ILRUN: variants seen among roughly 807,000 people sequenced by gnomAD.
The protein encoded by ILRUN is inflammation and lipid regulator with UBA-like and NBR1-like domains, also known as protein ILRUN.
A neutral mutation model predicts 33.8 loss-of-function variants in ILRUN; 3 were observed. The ratio of observed to expected loss-of-function variants is 0.09; its 90% CI spans 0.04 to 0.23. ILRUN has a LOEUF of 0.23. Among genes scored for constraint, ILRUN ranks in the 10% least tolerant of loss-of-function variants. ILRUN has a pLI of 1.00. For missense variants in ILRUN, 210 were observed against 375.1 expected (o/e 0.56, Z 3.64); for synonymous variants, 124 against 138.9 (o/e 0.89, Z 0.75).
At chr6:34,690,193 G>A (rs1379098714) in intron 1 of ILRUN, among the ~76,000 whole-genome samples, 1 of 152,180 alleles carries the variant, frequency 6.6e-6, no homozygotes, top group Non-Finnish European at 1.5e-5. Context: ...GGGCATGGTG[G>A]CTCACACCTG....
chr6:34,694,885 TAAAAATACAAA>T (rs1235638102), intron 1 of ILRUN, among the ~76,000 whole-genome samples: 1 of 151,738 alleles, frequency 6.6e-6, no homozygotes, highest in African/African-American at 2.4e-5. Context: ...CCACCTCTAC[TAAAAATACAAA>T]AAAAATTAGC....
At chr6:34,619,928 T>C (rs1447894376) in intron 3 of ILRUN, among the ~76,000 whole-genome samples, 1 of 143,358 alleles carries the variant, frequency 7.0e-6, no homozygotes, top group Non-Finnish European at 1.5e-5. Context: ...GAGGTTGCAG[T>C]GAGCCAAGAT....
At chr6:34,632,394 T>C (rs1762266462) in intron 3 of ILRUN, among the ~76,000 whole-genome samples, 1 of 151,900 alleles carries the variant, frequency 6.6e-6, no homozygotes, top group East Asian at 1.9e-4. Flanking sequence ...TGAGCCAAGA[T>C]CACACCACTG....
intron 3 of ILRUN, among the ~76,000 whole-genome samples, chr6:34,637,852 C>CTGT (rs1762395061): frequency 2.4e-5 from 3 of 127,278 alleles, no homozygotes; most frequent in East Asian, 2.7e-4. Flanking sequence ...GTTGCTGCTG[C>CTGT]TGCTGCTGCT....
intron 3 of ILRUN, among the ~76,000 whole-genome samples, chr6:34,617,754 A>G (rs1761928124): frequency 6.6e-6 from 1 of 152,176 alleles, no homozygotes; most frequent in Non-Finnish European, 1.5e-5. Context: ...TGTGCATTAG[A>G]AACTTGTTCC....
chr6:34,636,707 C>A (rs571138223), intron 3 of ILRUN, among the ~76,000 whole-genome samples: 35 of 152,306 alleles, frequency 2.3e-4, no homozygotes, highest in African/African-American at 8.4e-4. Context: ...AGATACCAAT[C>A]ATCATTATGT....
intron 3 of ILRUN, among the ~76,000 whole-genome samples, chr6:34,625,568 T>C (rs1048104592): frequency 2.6e-5 from 4 of 152,266 alleles, no homozygotes; most frequent in African/African-American, 7.2e-5. Flanking sequence ...CAGTGGGTGC[T>C]AATCTTCATC....
chr6:34,599,797 A>C (rs1173912001), intron 4 of ILRUN, among the ~76,000 whole-genome samples: 1 of 152,206 alleles, frequency 6.6e-6, no homozygotes. Flanking sequence ...TATCCAACAT[A>C]TCCAAAATGG....
intron 1 of ILRUN, among the ~76,000 whole-genome samples, chr6:34,674,311 GC>G (rs1763183206): frequency 6.6e-6 from 1 of 152,340 alleles, no homozygotes; most frequent in East Asian, 1.9e-4. Flanking sequence ...ATAGGCGTGA[GC>G]CACCGCGCCC....
At chr6:34,683,517 T>TATATATATAC (rs1763450845) in intron 1 of ILRUN, among the ~76,000 whole-genome samples, 1 of 129,824 alleles carries the variant, frequency 7.7e-6, no homozygotes, top group Non-Finnish European at 1.6e-5. Flanking sequence ...TATATATACA[T>TATATATATAC]ATATATATAT....
chr6:34,637,864 C>CTGCTGCTGCTGCTGCTGTTGT (rs749114775), intron 3 of ILRUN, among the ~76,000 whole-genome samples: 15 of 142,020 alleles, frequency 1.1e-4, no homozygotes, highest in African/African-American at 3.8e-4. Flanking sequence ...GCTGCTGCTG[C>CTGCTGCTGCTGCTGCTGTTGT]TGTTGTTGTT....
At chr6:34,614,443 A>AAAAAAAAAAATATATAT (rs71000073) in intron 3 of ILRUN, among the ~76,000 whole-genome samples, 4 of 133,582 alleles carry the variant, frequency 3.0e-5, no homozygotes, top group African/African-American at 9.2e-5. Flanking sequence ...AAAAAAAAAA[A>AAAAAAAAAAATATATAT]ATATATATAT....
At chr6:34,608,983 G>A (rs1689079307) in intron 3 of ILRUN, among the ~76,000 whole-genome samples, 2 of 152,158 alleles carry the variant, frequency 1.3e-5, no homozygotes, top group Admixed American at 6.5e-5. Flanking sequence ...TGTGTGAACC[G>A]TACTGAACAC....
intron 1 of ILRUN, among the ~76,000 whole-genome samples, chr6:34,672,593 C>T (rs1038761199): frequency 4.0e-5 from 6 of 151,774 alleles, no homozygotes; most frequent in African/African-American, 1.2e-4. Context: ...TCAAGAACCA[C>T]AATATATTTA....
intron 1 of ILRUN, among the ~76,000 whole-genome samples, chr6:34,686,449 G>A (rs144192522): frequency 5.3e-5 from 8 of 150,820 alleles, no homozygotes; most frequent in Non-Finnish European, 7.4e-5. Flanking sequence ...GCAGTGAGCC[G>A]AGATCGCGCC....
intron 2 of ILRUN, among the ~76,000 whole-genome samples, chr6:34,653,640 A>C (rs1762713813): frequency 6.6e-6 from 1 of 152,128 alleles, no homozygotes. Context: ...TACATTGCCA[A>C]AGCTGGTCTT....
chr6:34,619,879 G>T (rs773157836), intron 3 of ILRUN, among the ~76,000 whole-genome samples: 9 of 151,834 alleles, frequency 5.9e-5, no homozygotes, highest in Non-Finnish European at 1.2e-4. Flanking sequence ...CAGCTACTTG[G>T]GAGGCTGAGG....
chr6:34,664,903 A>C (rs1254835748), intron 1 of ILRUN, among the ~76,000 whole-genome samples: 1 of 152,228 alleles, frequency 6.6e-6, no homozygotes, highest in African/African-American at 2.4e-5. Context: ...ATAAACCAGC[A>C]GCAGTCAAAT....
In ILRUN at chr6:34,630,792, C is replaced by T. The variant is rs536184298; in HGVS notation, c.511+15809G>A. ...AGCCTCCCAAATAACTGGGACTACA[C>T]GCACACATCACTGTACCTGGCTTGT... On this transcript the variant is annotated intron_variant, in intron 3 of 4. Transcript: ENST00000374023. Among the ~76,000 whole-genome samples, 4 of 151,072 alleles carry T rather than the reference C, an allele frequency of 2.6e-5. No homozygotes were observed. The East Asian group carries it at 5.9e-4, about 22-fold the overall frequency.
Sources: allele counts gnomAD v4.1 joint callset (sites outside exome capture counted in the v4.1 genomes callset), GRCh38; gene constraint gnomAD v4.1.1; transcripts MANE v1.5; gene names NCBI Gene and HGNC (gene_info 2026-07-23, HGNC 2026-07-21).